The following EPS15L1 variants were observed in gnomAD, a reference collection of about 807,000 sequenced individuals.
The protein encoded by EPS15L1 is epidermal growth factor receptor pathway substrate 15 like 1, also known as epidermal growth factor receptor substrate 15-like 1.
Under a neutral mutation model 117.1 loss-of-function variants are expected in EPS15L1, and 43 were observed. The observed-to-expected ratio is 0.37, with a 90% CI of 0.29 to 0.47. EPS15L1 has a LOEUF of 0.47. EPS15L1 is among the 20% of genes least tolerant of loss of function. The probability of loss-of-function intolerance (pLI) is 0.99; values close to 1 mark genes in which losing one functional copy is unlikely to be tolerated. For synonymous variants in EPS15L1, 459 were observed against 470.5 expected (o/e 0.98, Z 0.32); for missense variants, 981 against 1,164.0 (o/e 0.84, Z 2.29).
chr19:16,457,473 C>A (rs2093208754), intron 1 of EPS15L1, among the ~76,000 whole-genome samples: 1 of 152,156 alleles, frequency 6.6e-6, no homozygotes, highest in Admixed American at 6.5e-5. Flanking sequence ...CGCACCAAAG[C>A]AGTGCCAGAG....
intron 6 of EPS15L1, among the ~76,000 whole-genome samples, chr19:16,436,070 A>G (rs1308968105): frequency 6.6e-6 from 1 of 152,234 alleles, no homozygotes; most frequent in Non-Finnish European, 1.5e-5. Context: ...TTGATGACAG[A>G]GGTGACTGCA....
intron 1 of EPS15L1, among the ~76,000 whole-genome samples, chr19:16,457,454 T>C (rs2093208484): frequency 6.6e-6 from 1 of 151,994 alleles, no homozygotes; most frequent in Non-Finnish European, 1.5e-5. Context: ...AGCGAGGCTG[T>C]GGAGCACCCG....
intron 1 of EPS15L1, among the ~76,000 whole-genome samples, chr19:16,466,253 C>A (rs2093303997): frequency 6.6e-6 from 1 of 152,072 alleles, no homozygotes; most frequent in African/African-American, 2.4e-5. Flanking sequence ...CTCCAGTGAT[C>A]TGCCCCTCTT....
chr19:16,418,992 T>C (rs1318857103), intron 10 of EPS15L1, among the ~76,000 whole-genome samples: 1 of 152,206 alleles, frequency 6.6e-6, no homozygotes, highest in Non-Finnish European at 1.5e-5. Flanking sequence ...TGTGCCCAAA[T>C]GAGGCTGCCA....
At chr19:16,443,347 T>C (rs1490148844) in intron 1 of EPS15L1, 2 of 152,238 alleles carry the variant, frequency 1.3e-5, no homozygotes, top group East Asian at 1.9e-4. Flanking sequence ...GTTATAGTCA[T>C]TGGATTTGAA....
In EPS15L1 at chr19:16,441,938, G is replaced by A. The variant is rs773070641; in HGVS notation, c.119C>T (p.Ala40Val). ...YTGRVGASEA[A>V]LFLKKSGLSD... ...GAGGCCAGACTTCTTTAGAAAAAGCGCAGCTTCACTCGCCCCCACCCTCCC... is the reference window on the plus strand; with the variant it reads ...GAGGCCAGACTTCTTTAGAAAAAGCACAGCTTCACTCGCCCCCACCCTCCC... Residue 40 changes from alanine (A) to valine (V), a missense_variant, in exon 3 of 24, where the codon GCG (alanine) becomes GTG (valine). Physicochemically the swap from Ala to Val is moderately conservative, Grantham distance 64. Coordinates refer to ENST00000455140, the MANE Select transcript of EPS15L1 (RefSeq NM_001258374.3). The A allele has an allele frequency of 9.3e-6, 15 of 1,613,940 alleles. No individual in the cohort carries two copies. Among genetic ancestry groups the A allele is most frequent in the Admixed American group, 1.7e-5 (1 of 59,976 alleles).
chr19:16,399,681 G>GT (rs5827337), intron 16 of EPS15L1, among the ~76,000 whole-genome samples: 12,472 of 139,436 alleles, frequency 0.089, 507 homozygotes, highest in Non-Finnish European at 0.1. Context: ...GCTTTTTGGG[G>GT]TTTTTTTTTT....
At chr19:16,395,218 A>G in intron 17 of EPS15L1, 126 bp downstream of exon 17, 2 of 942,290 alleles carry the variant, frequency 2.1e-6, no homozygotes, top group Non-Finnish European at 3.1e-6. Context: ...AAAAAAAAAA[A>G]AGGCATTCCT....
rs1180313263 is a variant in EPS15L1, at chr19:16,471,962, G to A, written c.-17C>T. On this transcript the variant is annotated 5_prime_UTR_variant, in exon 1 of 24. Transcript: ENST00000455140. This position sits in a 1 kb window ranked among gnomAD's most constrained non-coding sequence, Gnocchi z 4.8. ...CGCCGCCATCTTCCCGCGGACTCGG[G>A]CTCCGAGCGCCGGGGGAACGGGGGC... is the stretch of plus-strand genomic sequence containing the variant. 3.9e-6 allele frequency: 5 copies of A among 1,281,900 alleles called. 1 individual carries two copies. In the South Asian group the frequency reaches 7.3e-5, roughly 19 times the overall value. 79.4% of individuals were successfully genotyped at this position (1,281,900 alleles called of 1,614,324 possible).
intron 17 of EPS15L1, among the ~76,000 whole-genome samples, chr19:16,394,725 T>G (rs1237966787): frequency 6.6e-6 from 1 of 152,146 alleles, no homozygotes; most frequent in Non-Finnish European, 1.5e-5. Flanking sequence ...CATTACTAGC[T>G]CTGATTATTT....
At chr19:16,470,192 G>C (rs1027070609) in intron 1 of EPS15L1, among the ~76,000 whole-genome samples, 3 of 151,882 alleles carry the variant, frequency 2.0e-5, no homozygotes, top group African/African-American at 7.3e-5. Context: ...CACGAGCCTC[G>C]CCAAAATGGT....
At chr19:16,418,752 G>C (rs889544949) in intron 10 of EPS15L1, among the ~76,000 whole-genome samples, 1 of 152,154 alleles carries the variant, frequency 6.6e-6, no homozygotes, top group African/African-American at 2.4e-5. Context: ...TGGGATTAGT[G>C]CCCTTATAAA....
chr19:16,442,901 G>A (rs2093046623), intron 1 of EPS15L1, among the ~76,000 whole-genome samples: 1 of 152,162 alleles, frequency 6.6e-6, no homozygotes, highest in Non-Finnish European at 1.5e-5. Flanking sequence ...GCAGCTAATC[G>A]GGGCCACCAG....
In EPS15L1 at chr19:16,365,357, A is replaced by T. The variant is rs2092118782; in HGVS notation, c.2381-3373T>A. Among the ~76,000 whole-genome samples the T allele has an allele frequency of 6.6e-6, 1 of 152,230 alleles. No individual in the cohort carries two copies. Among genetic ancestry groups the T allele is most frequent in the Non-Finnish European group, 1.5e-5 (1 of 68,028 alleles). On this transcript the variant is annotated intron_variant, in intron 22 of 23. Transcript: ENST00000455140. The surrounding 1 kb of genome is among the most constrained non-coding windows in gnomAD (Gnocchi z 4.9). ...TAAAGGGGTAACTGAGTTAAAACGA[A>T]GTCAAAGGATCAATGACTGTCTTCA... is the stretch of plus-strand genomic sequence containing the variant.
At chr19:16,413,945 G>A (rs1202763207) in intron 12 of EPS15L1, 100 bp from the exon 13 acceptor site, 6 of 854,938 alleles carry the variant, frequency 7.0e-6, no homozygotes, top group Admixed American at 6.2e-5. Flanking sequence ...GCCCCTCTGT[G>A]TGCTGGCAGA....
chr19:16,382,309 T>C (rs1599553268), intron 21 of EPS15L1, among the ~76,000 whole-genome samples: 1 of 152,342 alleles, frequency 6.6e-6, no homozygotes, highest in Admixed American at 6.5e-5. Context: ...GAAGCCTCCT[T>C]GGGGACTCAA....
intron 1 of EPS15L1, among the ~76,000 whole-genome samples, chr19:16,444,063 CAAAAAA>C (rs545605173): frequency 2.7e-5 from 1 of 37,698 alleles, no homozygotes; most frequent in Non-Finnish European, 5.6e-5. Context: ...GACTCCGTCT[CAAAAAA>C]AAAAAAAAAA....
chr19:16,447,737 G>A (rs535686692), intron 1 of EPS15L1, among the ~76,000 whole-genome samples: 9 of 151,566 alleles, frequency 5.9e-5, no homozygotes, highest in Admixed American at 3.3e-4. Flanking sequence ...TCCAGCCTGA[G>A]CGACAGAGCA....
Position 16,456,452 on chromosome 19 carries a change from T to C in EPS15L1, c.34-14233A>G, listed in dbSNP as rs528910899. On this transcript the variant is annotated intron_variant, in intron 1 of 23. Coordinates refer to ENST00000455140, the MANE Select transcript of EPS15L1 (RefSeq NM_001258374.3). Reference sequence around the variant, plus strand: ...TGGGTGGATCACATGAGGTCAGGAGTTCGAGACCAGCCTGGCCAACATGGT... The same window carrying C: ...TGGGTGGATCACATGAGGTCAGGAGCTCGAGACCAGCCTGGCCAACATGGT... Among the ~76,000 whole-genome samples the C allele has an allele frequency of 2.7e-5, 4 of 150,706 alleles. No individual in the cohort carries two copies. The East Asian group carries it at 7.9e-4, about 30-fold the overall frequency.
Sources: allele counts gnomAD v4.1 joint callset (sites outside exome capture counted in the v4.1 genomes callset), GRCh38; gene constraint gnomAD v4.1.1; non-coding constraint Gnocchi (gnomAD v3.1); transcripts MANE v1.5; gene names NCBI Gene and HGNC (gene_info 2026-07-23, HGNC 2026-07-21).